The following EVC2 variants were observed in gnomAD, a reference collection of about 807,000 sequenced individuals.
The protein encoded by EVC2 is limbin.
EVC2 carries 148 observed loss-of-function variants against 149.3 expected under a neutral mutation model. The ratio of observed to expected loss-of-function variants is 0.99; its 90% CI spans 0.87 to 1.14. The LOEUF is 1.14. Ranked by LOEUF, EVC2 falls within the 50% of genes most tolerant of loss-of-function variation. The pLI, the probability that EVC2 is intolerant of heterozygous loss-of-function variation, is 0.00. For synonymous variants in EVC2, 776 were observed against 649.9 expected (o/e 1.19, Z -2.95); for missense variants, 1,854 against 1,627.3 (o/e 1.14, Z -2.40).
At chr4:5,646,312 T>A (rs1717705605) in intron 9 of EVC2, among the ~76,000 whole-genome samples, 2 of 152,190 alleles carry the variant, frequency 1.3e-5, no homozygotes, top group South Asian at 4.1e-4. Context: ...ATTTCCCTAA[T>A]GATCTTTTTT....
At position 5,640,295 on chromosome 4, in the gene EVC2, G is replaced by C. The variant is rs115466981; in HGVS notation, c.1470+219C>G. 8.3e-4 allele frequency among the ~76,000 whole-genome samples: 126 copies of C among 152,022 alleles called. 1 individual carries two copies. The highest frequency in any genetic ancestry group is 1.3e-3 in the Non-Finnish European group (90 of 67,940). On this transcript the variant is annotated intron_variant, in intron 10 of 21. Transcript: ENST00000344408. This position sits in a 1 kb window ranked among gnomAD's most constrained non-coding sequence, Gnocchi z 4.6. ...GATGAGTGGGTGGATGGATGAGTGG[G>C]TGAATGGGTAGATGGGTGGATGGAC...
downstream of EVC2, among the ~76,000 whole-genome samples, chr4:5,561,082 T>C (rs1446175406): frequency 6.6e-6 from 1 of 152,240 alleles, no homozygotes; most frequent in African/African-American, 2.4e-5. Flanking sequence ...CTTCAGCCTA[T>C]AATTTTAAGC....
intron 21 of EVC2, among the ~76,000 whole-genome samples, chr4:5,556,726 C>G (rs1721846645): frequency 6.6e-6 from 1 of 152,054 alleles, no homozygotes; most frequent in Non-Finnish European, 1.5e-5. Context: ...TGAAAATTAC[C>G]AATATCAGAA....
chr4:5,603,083 A>T (rs1273821883), intron 16 of EVC2, among the ~76,000 whole-genome samples: 3 of 152,202 alleles, frequency 2.0e-5, no homozygotes, highest in African/African-American at 4.8e-5. Context: ...AAAATAGACA[A>T]TCTAGAAAAG....
chr4:5,634,351 C>A (rs997624152), intron 10 of EVC2, among the ~76,000 whole-genome samples: 3 of 152,346 alleles, frequency 2.0e-5, no homozygotes, highest in East Asian at 1.9e-4. Context: ...CAGGGGCATT[C>A]CGCTACGAAT....
At chr4:5,697,768 C>T (rs1222722144) in intron 1 of EVC2, 121 bp from the exon 2 acceptor site, 6 of 826,930 alleles carry the variant, frequency 7.3e-6, no homozygotes, top group African/African-American at 3.5e-5. Context: ...TTTTCTGAGA[C>T]AGAGTCTTGC....
rs1428280277 is a variant in EVC2 at position 5,677,486 on chromosome 4, C to T, written c.870+3774G>A. On this transcript the variant is annotated intron_variant, in intron 7 of 21. Transcript: ENST00000344408. This position sits in a 1 kb window ranked among gnomAD's most constrained non-coding sequence, Gnocchi z 4.3. ...GCCCCAGCTCCACGGCCAGGACTTGCATCCACAGGTCTGCATCCCAGGGGG... is the reference window on the plus strand; with the variant it reads ...GCCCCAGCTCCACGGCCAGGACTTGTATCCACAGGTCTGCATCCCAGGGGG... 3.3e-5 allele frequency among the ~76,000 whole-genome samples: 5 copies of T among 152,222 alleles called. No individual in the cohort carries two copies.
At chr4:5,555,006 G>A (rs1250579826) in intron 21 of EVC2, among the ~76,000 whole-genome samples, 1 of 131,406 alleles carries the variant, frequency 7.6e-6, no homozygotes, top group East Asian at 3.6e-4. Context: ...TAGATAACTA[G>A]AGAGAGGAAG....
At chr4:5,592,173 T>C (rs1432351642) in intron 16 of EVC2, among the ~76,000 whole-genome samples, 1 of 152,154 alleles carries the variant, frequency 6.6e-6, no homozygotes, top group Admixed American at 6.5e-5. Flanking sequence ...GGCTCACATC[T>C]GTATCCAAAC....
chr4:5,597,033 G>T (rs906502676), intron 16 of EVC2, among the ~76,000 whole-genome samples: 1 of 152,156 alleles, frequency 6.6e-6, no homozygotes, highest in African/African-American at 2.4e-5. Context: ...TGAAATCTCG[G>T]AATAGACTAA....
intron 7 of EVC2, among the ~76,000 whole-genome samples, chr4:5,675,021 G>C (rs961276862): frequency 1.3e-5 from 2 of 152,186 alleles, no homozygotes; most frequent in Non-Finnish European, 2.9e-5. Context: ...TTTGCCTACA[G>C]AGTGACACGG....
At chr4:5,707,628 G>A (rs1722298908) in intron 1 of EVC2, among the ~76,000 whole-genome samples, 1 of 152,132 alleles carries the variant, frequency 6.6e-6, no homozygotes, top group Non-Finnish European at 1.5e-5. Flanking sequence ...CCTGAAGCCA[G>A]GGAGTGGCAG....
chr4:5,560,098 G>A (rs181382819), downstream of EVC2, among the ~76,000 whole-genome samples: 70 of 151,390 alleles, frequency 4.6e-4, no homozygotes, highest in African/African-American at 1.6e-3. This position sits in a 1 kb window ranked among gnomAD's most constrained non-coding sequence, Gnocchi z 4.1. Context: ...CAACTAGATC[G>A]AACTCCTTAA....
At chr4:5,579,546 T>G (rs1023708694) in intron 17 of EVC2, among the ~76,000 whole-genome samples, 1 of 152,068 alleles carries the variant, frequency 6.6e-6, no homozygotes, top group African/African-American at 2.4e-5. Context: ...AGAGGGAAGA[T>G]CAGAAGATGC....
upstream of EVC2, chr4:5,708,611 G>T: frequency 1.1e-6 from 1 of 895,750 alleles, no homozygotes; most frequent in Non-Finnish European, 1.5e-6. Context: ...TGCTCAGTGC[G>T]AGCCGCCGCC....
Position 5,708,370 on chromosome 4 carries a change from C to A in EVC2, c.144G>T (p.Arg48=). The change falls in exon 1 of 22, where the codon CGG becomes CGT. Residue 48 remains arginine (R), a synonymous_variant. Coordinates refer to ENST00000344408, the MANE Select transcript of EVC2 (RefSeq NM_147127.5). ...RWRPLGAQPP[R]DPQVAPRSGP... is the part of the protein sequence containing the mutation. ...CAGACCTAGGAGCCACCTGGGGATC[C>A]CGGGGTGGCTGCGCGCCGAGGGGGC... 1 of 1,490,964 alleles carries A rather than the reference C, an allele frequency of 6.7e-7. No individual in the cohort carries two copies. Among genetic ancestry groups the A allele is most frequent in the Non-Finnish European group, 8.9e-7 (1 of 1,127,216 alleles). 92.4% of individuals were successfully genotyped at this position (1,490,964 alleles called of 1,614,324 possible).
intron 16 of EVC2, among the ~76,000 whole-genome samples, chr4:5,592,968 T>A (rs1019281691): frequency 1.3e-5 from 2 of 152,214 alleles, no homozygotes; most frequent in Admixed American, 1.3e-4. Flanking sequence ...ATTACCTCCA[T>A]GCTGTTCTCC....
intron 16 of EVC2, among the ~76,000 whole-genome samples, chr4:5,608,989 C>T (rs180715762): frequency 6.6e-6 from 1 of 152,150 alleles, no homozygotes; most frequent in East Asian, 1.9e-4. Flanking sequence ...TTCTCCTTGC[C>T]CTTGGACATC....
chr4:5,582,602 C>A (rs995527770), intron 17 of EVC2, among the ~76,000 whole-genome samples: 3 of 152,146 alleles, frequency 2.0e-5, no homozygotes, highest in Non-Finnish European at 2.9e-5. Flanking sequence ...GGACTTTGGA[C>A]TTTTGAGTTA....
Sources: gnomAD v4.1 joint callset for allele counts (sites outside exome capture counted in the v4.1 genomes callset) on GRCh38, gnomAD v4.1.1 for gene constraint, Gnocchi (gnomAD v3.1) non-coding constraint, MANE v1.5 for transcripts, NCBI Gene and HGNC (gene_info 2026-07-23, HGNC 2026-07-21) for gene names.